The following C3orf52 variants were observed in gnomAD, a reference collection of about 807,000 sequenced individuals.
C3orf52 encodes the protein chromosome 3 open reading frame 52, also known as TPA-induced transmembrane protein.
Under a neutral mutation model 24.8 loss-of-function variants are expected in C3orf52, and 22 were observed. The observed-to-expected ratio is 0.89, with a 90% CI of 0.63 to 1.27. C3orf52 has a LOEUF of 1.27. Ranked by LOEUF, C3orf52 falls within the 50% of genes most tolerant of loss-of-function variation. The pLI, the probability that C3orf52 is intolerant of heterozygous loss-of-function variation, is 0.00. For missense variants in C3orf52, 265 were observed against 260.7 expected (o/e 1.02, Z -0.11); for synonymous variants, 93 against 100.2 (o/e 0.93, Z 0.43).
At chr3:112,100,645 C>G (rs754066412) in intron 2 of C3orf52, among the ~76,000 whole-genome samples, 1 of 152,128 alleles carries the variant, frequency 6.6e-6, no homozygotes, top group Non-Finnish European at 1.5e-5. Context: ...CTATTGTTTT[C>G]TGAGGCATTG....
chr3:112,109,997 A>G (rs2074062708), intron 4 of C3orf52, among the ~76,000 whole-genome samples: 1 of 152,204 alleles, frequency 6.6e-6, no homozygotes, highest in Admixed American at 6.5e-5. Context: ...TGAGGAGCAC[A>G]AGTAATACAG....
At chr3:112,119,731 T>A (rs1188076790), downstream of C3orf52, among the ~76,000 whole-genome samples, 4 of 152,246 alleles carry the variant, frequency 2.6e-5, no homozygotes, top group East Asian at 7.7e-4. Flanking sequence ...CACTGCATTG[T>A]GAATTAACAA....
intron 4 of C3orf52, chr3:112,112,519 C>G (rs1024501921): frequency 1.1e-5 from 2 of 178,446 alleles, no homozygotes; most frequent in African/African-American, 4.7e-5. Flanking sequence ...ATTGGTTAAA[C>G]TAAATATCCC....
intron 3 of C3orf52, among the ~76,000 whole-genome samples, chr3:112,104,260 G>A (rs1191032660): frequency 6.6e-6 from 1 of 152,162 alleles, no homozygotes; most frequent in Non-Finnish European, 1.5e-5. Context: ...TCTGCAGCCA[G>A]ACTAGGACCG....
intron 4 of C3orf52, among the ~76,000 whole-genome samples, chr3:112,126,508 C>A (rs1407074616): frequency 2.0e-5 from 3 of 152,194 alleles, no homozygotes; most frequent in African/African-American, 7.2e-5. Context: ...TCTTCCGGCT[C>A]CTTGCTGCAA....
At chr3:112,101,163 C>G (rs2073969198) in intron 2 of C3orf52, among the ~76,000 whole-genome samples, 1 of 152,152 alleles carries the variant, frequency 6.6e-6, no homozygotes, top group African/African-American at 2.4e-5. Flanking sequence ...CTAGATTCAA[C>G]AATTTGCTAG....
At chr3:112,123,595 T>C (rs1214137173) in intron 4 of C3orf52, 2 of 1,614,056 alleles carry the variant, frequency 1.2e-6, no homozygotes, top group Admixed American at 1.7e-5. Flanking sequence ...GTAGAAGGCA[T>C]ATGTAGAAGT....
At chr3:112,127,337 C>T (rs1218171893) in intron 4 of C3orf52, among the ~76,000 whole-genome samples, 1 of 151,974 alleles carries the variant, frequency 6.6e-6, no homozygotes, top group Admixed American at 6.6e-5. Flanking sequence ...TTTTTTCTGA[C>T]AAAGTATCAA....
intron 4 of C3orf52, chr3:112,123,633 G>A (rs757779384): frequency 1.2e-6 from 2 of 1,614,128 alleles, no homozygotes; most frequent in Non-Finnish European, 1.7e-6. Flanking sequence ...TCCTCCCAAG[G>A]ACTCTCTGGG....
intron 3 of C3orf52, 139 bp downstream of exon 3, chr3:112,103,104 A>G: frequency 2.7e-6 from 2 of 734,210 alleles, no homozygotes; most frequent in Non-Finnish European, 4.5e-6. Context: ...AATGATGCTT[A>G]TAAATATATT....
intron 2 of C3orf52, among the ~76,000 whole-genome samples, chr3:112,095,620 G>T (rs371526707): frequency 6.6e-5 from 10 of 152,206 alleles, no homozygotes; most frequent in East Asian, 1.9e-4. Flanking sequence ...AACACTTGTA[G>T]TGCAAACTTT....
downstream of C3orf52, chr3:112,132,741 T>G (rs1051729843): frequency 1.3e-5 from 11 of 829,764 alleles, no homozygotes; most frequent in Admixed American, 6.6e-4. Flanking sequence ...GATTTTGACC[T>G]CCTTGTGGAG....
exon 5 of C3orf52, chr3:112,128,252 A>G (rs767312234): frequency 1.4e-6 from 1 of 700,324 alleles, no homozygotes; most frequent in Middle Eastern, 2.4e-4. Context: ...GATACTATCA[A>G]ATTCCTAATC....
intron 5 of C3orf52, 25 bp from the exon 6 acceptor site, chr3:112,116,617 T>G (rs371959386): frequency 2.0e-6 from 3 of 1,528,032 alleles, no homozygotes; most frequent in Non-Finnish European, 2.6e-6. Flanking sequence ...TCAGTAACTT[T>G]TGTTCATCTG....
chr3:112,090,123 G>A (rs2073863936), intron 1 of C3orf52, among the ~76,000 whole-genome samples: 1 of 152,068 alleles, frequency 6.6e-6, no homozygotes, highest in Non-Finnish European at 1.5e-5. Flanking sequence ...GGCACAGGTA[G>A]CACACACCTA....
rs2074155934 is a variant in C3orf52 at position 112,118,166 on chromosome 3, G to A, written c.*1520G>A. ...TAGAAAATAATGAAAAATTTTAATG[G>A]AGAATGATTTAAAAACATTTACAAT... On this transcript the variant is annotated 3_prime_UTR_variant, in exon 6 of 6. Transcript: ENST00000264848. 2.0e-5 allele frequency: 3 copies of A among 152,154 alleles called. No individual in the cohort carries two copies. The highest frequency in any genetic ancestry group is 4.4e-5 in the Non-Finnish European group (3 of 68,022). 9.4% of individuals were successfully genotyped at this position (152,154 alleles called of 1,614,324 possible). A position where few individuals can be genotyped will look rare whatever the true frequency, so the allele number is the denominator to read the frequency against.
intron 3 of C3orf52, among the ~76,000 whole-genome samples, chr3:112,107,919 A>T (rs1252104229): frequency 6.6e-6 from 1 of 152,150 alleles, no homozygotes; most frequent in African/African-American, 2.4e-5. Flanking sequence ...AGTTGAGGGG[A>T]AACAGGGTAA....
chr3:112,100,374 AC>A (rs779331701), intron 2 of C3orf52, among the ~76,000 whole-genome samples: 49 of 152,322 alleles, frequency 3.2e-4, no homozygotes, highest in Non-Finnish European at 5.6e-4. Flanking sequence ...TTTTTTCTAC[AC>A]GAATAAGTAT....
At chr3:112,134,501 C>T (rs2074528372), downstream of C3orf52, 1 of 152,078 alleles carries the variant, frequency 6.6e-6, no homozygotes, top group Non-Finnish European at 1.5e-5. Context: ...TGGTGGTGGC[C>T]AAGTAAGTAG....
Sources: allele counts gnomAD v4.1 joint callset (sites outside exome capture counted in the v4.1 genomes callset), GRCh38; gene constraint gnomAD v4.1.1; transcripts MANE v1.5; gene names NCBI Gene and HGNC (gene_info 2026-07-23, HGNC 2026-07-21).